BBS2: variants seen among roughly 807,000 people sequenced by gnomAD.
BBS2 encodes BBSome complex member BBS2.
In BBS2, 62 loss-of-function variants were observed where a neutral mutation model predicts 83.0. The observed-to-expected ratio is 0.75, with a 90% CI of 0.61 to 0.92. BBS2 has a LOEUF of 0.92. BBS2 is among the 40% of genes least tolerant of loss of function. The probability of loss-of-function intolerance (pLI) is 0.00; values close to 1 mark genes in which losing one functional copy is unlikely to be tolerated. For missense variants in BBS2, 784 were observed against 901.0 expected (o/e 0.87, Z 1.66); for synonymous variants, 303 against 326.1 (o/e 0.93, Z 0.76).
chr16:56,510,733 G>T, intron 4 of BBS2, 126 bp downstream of exon 4: 1 of 923,886 alleles, frequency 1.1e-6, no homozygotes, highest in Non-Finnish European at 1.8e-6. Context: ...AACTGGCTGA[G>T]CATTTAGGCA....
chr16:56,505,895 C>T (rs1964408475), intron 7 of BBS2, 55 bp downstream of exon 7: 2 of 1,358,760 alleles, frequency 1.5e-6, no homozygotes, highest in South Asian at 2.3e-5. Flanking sequence ...ACAGCCAATA[C>T]ACCTTGGACA....
At chr16:56,502,147 C>A (rs1964293155) in intron 9 of BBS2, 170 bp downstream of exon 9, 2 of 881,220 alleles carry the variant, frequency 2.3e-6, no homozygotes, top group African/African-American at 3.3e-5. Context: ...AGTTTAACTA[C>A]CTGGAAATGA....
chr16:56,471,025 T>C (rs912573522), intron 17 of BBS2, among the ~76,000 whole-genome samples: 44 of 152,166 alleles, frequency 2.9e-4, no homozygotes, highest in African/African-American at 9.9e-4. Context: ...ATAAGTGCTA[T>C]GCAAAACATT....
At chr16:56,509,824 G>A in intron 5 of BBS2, 133 bp downstream of exon 5, 2 of 815,828 alleles carry the variant, frequency 2.5e-6, no homozygotes, top group Non-Finnish European at 2.1e-6. Context: ...AGCTCTGTCT[G>A]ACCCCCTCCC....
chr16:56,519,603 G>A, intron 1 of BBS2, 143 bp downstream of exon 1: 1 of 665,894 alleles, frequency 1.5e-6, no homozygotes, highest in South Asian at 1.7e-5. Flanking sequence ...CTGCAGGATG[G>A]AGCCACAAGG....
Position 56,510,036 on chromosome 16 carries a change from TGAAGGGGAAATATCATACATGTTCA to T in BBS2, c.535-27_535-3del, listed in dbSNP as rs751101598. 3 of 1,613,874 alleles carry T rather than the reference TGAAGGGGAAATATCATACATGTTCA, an allele frequency of 1.9e-6. No individual in the cohort carries two copies. The highest frequency in any genetic ancestry group is 1.7e-6 in the Non-Finnish European group (2 of 1,179,894). ...AAAATCCTCAGATCCAACAAGAAGC[TGAAGGGGAAATATCATACATGTTCA>T]GGTGAGTAAGTGCAAACAACAAAAT... On this transcript the variant is annotated splice_region_variant and splice_polypyrimidine_tract_variant and intron_variant, in intron 4 of 16. Transcript: ENST00000245157.
intron 17 of BBS2, chr16:56,474,838 T>TC (rs1567557012): frequency 1.2e-6 from 2 of 1,610,046 alleles, no homozygotes; most frequent in Non-Finnish European, 1.7e-6. Context: ...AATCAAGTGT[T>TC]CCCATGTGCC....
At chr16:56,519,459 C>A in intron 1 of BBS2, 1 of 423,314 alleles carries the variant, frequency 2.4e-6, no homozygotes, top group East Asian at 4.5e-5. Flanking sequence ...CGAACCAAAC[C>A]CCTTCCCTCA....
At chr16:56,485,771 C>A in intron 15 of BBS2, 33 bp from the exon 16 acceptor site, 2 of 1,610,406 alleles carry the variant, frequency 1.2e-6, no homozygotes, top group South Asian at 1.1e-5. Flanking sequence ...GACATCATTT[C>A]ATGTTGATAT....
At chr16:56,498,656 C>T (rs776068203) in intron 12 of BBS2, 88 bp from the exon 13 acceptor site, 2 of 1,593,146 alleles carry the variant, frequency 1.3e-6, no homozygotes, top group South Asian at 2.2e-5. Context: ...AAGGTACAGC[C>T]ATTCTTGAGG....
chr16:56,485,142 GCATCGACCCAAAA>G (rs1260265686), intron 16 of BBS2, among the ~76,000 whole-genome samples: 1 of 152,148 alleles, frequency 6.6e-6, no homozygotes, highest in Non-Finnish European at 1.5e-5. Flanking sequence ...AGAAGTCAAA[GCATCGACCCAAAA>G]CAGCAGAATT....
At chr16:56,476,261 G>A in intron 17 of BBS2, 5 of 1,537,798 alleles carry the variant, frequency 3.3e-6, no homozygotes, top group African/African-American at 1.4e-5. Context: ...TGGGAAGTCT[G>A]AAAGAGCTAA....
At chr16:56,477,844 TA>T (rs1963547742) in intron 17 of BBS2, 1 of 152,242 alleles carries the variant, frequency 6.6e-6, no homozygotes, top group African/African-American at 2.4e-5. Flanking sequence ...TTTCATCTCC[TA>T]AAACTTTTGA....
At position 56,510,108 on chromosome 16, in the gene BBS2, T is replaced by C; in HGVS notation, c.535-74A>G. 3 of 1,367,296 alleles carry C rather than the reference T, an allele frequency of 2.2e-6. No homozygotes were observed. The Admixed American group carries it at 5.2e-5, about 24-fold the overall frequency. The allele number at this position is 1,367,296 out of a possible 1,614,324, so 84.7% of individuals were successfully genotyped here. On this transcript the variant is annotated intron_variant, in intron 4 of 16. Transcript: ENST00000245157. ...AAATTTCTGTAAACAAAACAAAAAA[T>C]TGCACAGTACTTTGCATGCTGCTTC...
chr16:56,501,816 T>C (rs1486526717), intron 9 of BBS2: 1 of 408,106 alleles, frequency 2.5e-6, no homozygotes, highest in Admixed American at 3.6e-5. Context: ...AATACAGTAA[T>C]GCATTACAGG....
rs1204202948 is a variant in BBS2 at position 56,502,782 on chromosome 16, C to A, written c.831G>T (p.Gly277=). The A allele has an allele frequency of 6.2e-7, 1 of 1,614,144 alleles. No individual in the cohort carries two copies. Among genetic ancestry groups the A allele is most frequent in the Non-Finnish European group, 8.5e-7 (1 of 1,180,024 alleles). The change falls in exon 8 of 17, where the codon GGG becomes GGT. Residue 277 remains glycine, a synonymous_variant. Transcript: ENST00000245157. ...GKVDARSDRT[G]EVIFKDNFSS... is the part of the protein sequence containing the mutation. Reference sequence around the variant, plus strand: ...AAAAATTGTCCTTAAAGATGACCTCCCCAGTTCGGTCACTTCGAGCATCAA... The same window carrying A: ...AAAAATTGTCCTTAAAGATGACCTCACCAGTTCGGTCACTTCGAGCATCAA...
At chr16:56,518,284 A>C (rs1309897184) in intron 1 of BBS2, among the ~76,000 whole-genome samples, 1 of 152,234 alleles carries the variant, frequency 6.6e-6, no homozygotes. Flanking sequence ...AAAAACTATA[A>C]ATTGTTACAC....
chr16:56,470,576 T>C (rs746735521), exon 18 of BBS2: 35 of 1,614,046 alleles, frequency 2.2e-5, no homozygotes, highest in Non-Finnish European at 2.8e-5. Flanking sequence ...TTCTTGCTGC[T>C]CTCCAACTTC....
At chr16:56,477,376 G>A (rs1202161336) in intron 17 of BBS2, 1 of 152,160 alleles carries the variant, frequency 6.6e-6, no homozygotes, top group Non-Finnish European at 1.5e-5. Flanking sequence ...CATGCCCCAA[G>A]AAACTTCTGG....
Sources: allele counts gnomAD v4.1 joint callset (sites outside exome capture counted in the v4.1 genomes callset), GRCh38; gene constraint gnomAD v4.1.1; transcripts MANE v1.5; gene names NCBI Gene and HGNC (gene_info 2026-07-23, HGNC 2026-07-21).